Variants in PLXNA1 observed in about 807,000 individuals in gnomAD.
PLXNA1 encodes the protein plexin-A1.
Under a neutral mutation model 191.7 loss-of-function variants are expected in PLXNA1, and 77 were observed. The ratio of observed to expected loss-of-function variants is 0.40; its 90% CI spans 0.33 to 0.49. The LOEUF (loss-of-function observed/expected upper bound fraction) is 0.49. PLXNA1 is among the 20% of genes least tolerant of loss of function. PLXNA1 has a pLI of 0.63. For synonymous variants in PLXNA1, 1,137 were observed against 1,156.4 expected, an observed-to-expected ratio of 0.98 and a Z score of 0.34; for missense variants, 2,110 against 2,660.2, an observed-to-expected ratio of 0.79 and a Z score of 4.55.
chr3:126,984,379 C>G (rs1437657779), intron 1 of PLXNA1, among the ~76,000 whole-genome samples: 1 of 152,266 alleles, frequency 6.6e-6, no homozygotes, highest in Non-Finnish European at 1.5e-5. Context: ...GCTGCCCCAT[C>G]TCCTTTCACA....
intron 1 of PLXNA1, among the ~76,000 whole-genome samples, chr3:126,984,658 C>CAG (rs3071307): frequency 0.39 from 59,454 of 151,978 alleles, 12,639 homozygotes; most frequent in African/African-American, 0.57. Flanking sequence ...GCGTTTTGGG[C>CAG]AGAGGACAGC....
chr3:127,022,968 T>G (rs764728778), intron 23 of PLXNA1, 150 bp downstream of exon 23: 87 of 699,272 alleles, frequency 1.2e-4, no homozygotes, highest in Non-Finnish European at 1.8e-4. Context: ...CCCCTGGGCA[T>G]GCAGCCGCTC....
intron 29 of PLXNA1, chr3:127,031,819 AC>A (rs1297828472): frequency 6.3e-6 from 1 of 158,462 alleles, no homozygotes; most frequent in Non-Finnish European, 1.4e-5. Flanking sequence ...AACATTCTAG[AC>A]CCGTGCTGTC....
At chr3:127,022,594 C>T (rs2079157236) in intron 22 of PLXNA1, among the ~76,000 whole-genome samples, 158 bp from the exon 23 acceptor site, 1 of 150,970 alleles carries the variant, frequency 6.6e-6, no homozygotes, top group Admixed American at 6.6e-5. Context: ...CCTGAAGCGC[C>T]TGCTGCCCAC....
intron 4 of PLXNA1, 74 bp downstream of exon 4, chr3:127,003,544 G>A (rs2079051419): frequency 1.3e-6 from 2 of 1,488,314 alleles, no homozygotes; most frequent in Non-Finnish European, 1.8e-6. Context: ...TCACAGAGCA[G>A]TAGGGGTGGG....
intron 3 of PLXNA1, among the ~76,000 whole-genome samples, chr3:126,992,989 G>A (rs2107621922): frequency 6.6e-6 from 1 of 152,284 alleles, no homozygotes; most frequent in East Asian, 1.9e-4. Flanking sequence ...CAGCAGCTTA[G>A]AGACATTTTG....
At position 127,018,128 on chromosome 3, in the gene PLXNA1, G is replaced by T. The variant is rs995770836; in HGVS notation, c.3661-166G>T. Among the ~76,000 whole-genome samples, 3 of 152,034 alleles carry T rather than the reference G, an allele frequency of 2.0e-5. 1 individual carries two copies. The highest frequency in any genetic ancestry group is 2.0e-4 in the Admixed American group (3 of 15,268). ...CCAGTGGTGCCCTGGCTGGCCAGGC[G>T]CCTGCCCTGGGTCCCAGTGTCTCCA... is the stretch of plus-strand genomic sequence containing the variant. On this transcript the variant is annotated intron_variant, in intron 19 of 31. Coordinates refer to ENST00000393409, the MANE Select transcript of PLXNA1 (RefSeq NM_032242.4).
chr3:127,030,507 G>A, intron 29 of PLXNA1, 95 bp downstream of exon 29: 1 of 1,468,264 alleles, frequency 6.8e-7, no homozygotes. Context: ...GCCCCCACTT[G>A]GGGCTCCCTG....
Position 126,989,603 on chromosome 3 carries a change from T to C in PLXNA1, c.1010T>C (p.Leu337Pro). 1.2e-6 allele frequency: 2 copies of C among 1,613,234 alleles called. No homozygotes were observed. Among genetic ancestry groups the C allele is most frequent in the Non-Finnish European group, 1.7e-6 (2 of 1,180,020 alleles). Residue 337 changes from leucine to proline, a missense_variant, in exon 2 of 32, where the codon CTG becomes CCG. Around this residue, in one of 4 missense-constraint regions of PLXNA1, gnomAD observed 903 missense variants for 1,015.7 expected, o/e 0.89. Transcript: ENST00000393409. The part of the protein sequence containing the change: ...QLGLAEDEDV[L>P]FTVFAQGQKN... Reference sequence around the variant, plus strand: ...GGCCTGGCTGAGGACGAGGACGTGCTGTTCACTGTGTTCGCCCAGGGCCAG... The same window carrying C: ...GGCCTGGCTGAGGACGAGGACGTGCCGTTCACTGTGTTCGCCCAGGGCCAG...
At position 127,014,277 on chromosome 3, in the gene PLXNA1, C is replaced by T. The variant is rs769431870; in HGVS notation, c.2506C>T (p.Arg836Cys). The T allele has an allele frequency of 1.9e-6, 3 of 1,596,138 alleles. No homozygotes were observed. Among genetic ancestry groups the T allele is most frequent in the Admixed American group, 3.4e-5 (2 of 58,226 alleles). The part of the protein sequence containing the change: ...FECGWCVAER[R>C]CSLRHHCAAD... ...GTGCGGATGGTGCGTGGCCGAGCGC[C>T]GCTGCTCCCTGCGACACCACTGCGC... is the stretch of plus-strand genomic sequence containing the variant. The change falls in exon 12 of 32, where the codon CGC becomes TGC. Residue 836 changes from arginine (R) to cysteine (C), a missense_variant. Physicochemically the swap from Arg to Cys is radical, Grantham distance 180 (BLOSUM62 -3). Transcript: ENST00000393409.
intron 2 of PLXNA1, among the ~76,000 whole-genome samples, chr3:126,990,475 A>T (rs764351382): frequency 5.3e-5 from 8 of 151,904 alleles, no homozygotes; most frequent in Non-Finnish European, 1.0e-4. Flanking sequence ...TCTTGTTCAC[A>T]CTCCTGGGCA....
chr3:127,009,846 AGGGCCTAAG>A (rs1010217621), intron 9 of PLXNA1, among the ~76,000 whole-genome samples: 2 of 152,200 alleles, frequency 1.3e-5, no homozygotes, highest in African/African-American at 4.8e-5. Flanking sequence ...GCTGTGTGCC[AGGGCCTAAG>A]GGCTCCCACG....
At chr3:127,016,368 G>T (rs1334039737) in intron 15 of PLXNA1, 149 bp from the exon 16 acceptor site, 13 of 689,098 alleles carry the variant, frequency 1.9e-5, no homozygotes, top group Non-Finnish European at 2.5e-5. Context: ...GCACAGCCCT[G>T]GGAGGGAAAG....
chr3:127,005,888 T>A (rs990961673), intron 7 of PLXNA1, among the ~76,000 whole-genome samples, 191 bp from the exon 8 acceptor site: 1 of 152,074 alleles, frequency 6.6e-6, no homozygotes, highest in South Asian at 2.1e-4. Context: ...CCCCTCACAC[T>A]GAGCAGGAGG....
chr3:126,989,918 G>T, intron 2 of PLXNA1, 131 bp downstream of exon 2: 1 of 776,414 alleles, frequency 1.3e-6, no homozygotes, highest in South Asian at 1.8e-5. Context: ...CATCCCCATG[G>T]CTCAGCTAGG....
Position 127,035,945 on chromosome 3 carries a change from A to C in PLXNA1, c.*1928A>C, listed in dbSNP as rs1448679725. 6.6e-6 allele frequency: 1 copy of C among 152,372 alleles called. No individual in the cohort carries two copies. Among genetic ancestry groups the C allele is most frequent in the African/African-American group, 2.4e-5 (1 of 41,390 alleles). The allele number at this position is 152,372 out of a possible 1,614,324, so 9.4% of individuals were successfully genotyped here. A position where few individuals can be genotyped will look rare whatever the true frequency, so the allele number is the denominator to read the frequency against. On this transcript the variant is annotated 3_prime_UTR_variant, in exon 32 of 32. Coordinates refer to ENST00000393409, the MANE Select transcript of PLXNA1 (RefSeq NM_032242.4). ...GGCTGGGGCCTTCTGCTGCTGCCAC[A>C]CCCAGCTCAGGCCTGGGCCAGCCCC...
chr3:127,024,001 A>C (rs979745094), intron 23 of PLXNA1, among the ~76,000 whole-genome samples: 1 of 152,180 alleles, frequency 6.6e-6, no homozygotes, highest in Non-Finnish European at 1.5e-5. Context: ...AGTGCCCAGT[A>C]GATGATAACA....
Position 127,022,806 on chromosome 3 carries a change from T to A in PLXNA1, c.4350T>A (p.Tyr1450Ter), listed in dbSNP as rs2079158259. 6.2e-7 allele frequency: 1 copy of A among 1,613,828 alleles called. No homozygotes were observed. The highest frequency in any genetic ancestry group is 1.3e-5 in the African/African-American group (1 of 74,916). The change falls in exon 23 of 32, where the codon TAT becomes TAA. Residue 1450 changes from tyrosine to a stop codon, truncating the protein, a stop_gained. Transcript: ENST00000393409. LOFTEE classifies it high-confidence loss of function. ...CTAACTGGTTCACCTTCCTCTTGTA[T>A]AAGTTCCTCAAGGTAAGCAGAGGCG... is the stretch of plus-strand genomic sequence containing the variant. ...MLTNWFTFLLYKFLKECAGEP... is the reference protein window; with the variant it reads ...MLTNWFTFLL
Position 127,028,979 on chromosome 3 carries a change from C to T in PLXNA1, c.4670-14C>T. 1 of 1,608,252 alleles carries T rather than the reference C, an allele frequency of 6.2e-7. No individual in the cohort carries two copies. Among genetic ancestry groups the T allele is most frequent in the Non-Finnish European group, 8.5e-7 (1 of 1,177,852 alleles). On this transcript the variant is annotated splice_polypyrimidine_tract_variant and intron_variant, in intron 25 of 31. Transcript: ENST00000393409. ...GCCCCAGCGGCCCCACCCTCCAGCT[C>T]CCTCCTCCCCCAGAGTGGCGCCAGG...
Sources: gnomAD v4.1 joint callset for allele counts (sites outside exome capture counted in the v4.1 genomes callset) on GRCh38, gnomAD v4.1.1 for gene constraint, gnomAD v4.1.1 regional missense constraint, MANE v1.5 for transcripts, NCBI Gene and HGNC (gene_info 2026-07-23, HGNC 2026-07-21) for gene names.